The following MACROD2 variants were observed in gnomAD, a reference collection of about 807,000 sequenced individuals.
MACROD2 encodes the protein ADP-ribose glycohydrolase MACROD2.
MACROD2 carries 36 observed loss-of-function variants against 70.4 expected under a neutral mutation model. The observed-to-expected ratio is 0.51, with a 90% confidence interval of 0.39 to 0.68. The LOEUF (loss-of-function observed/expected upper bound fraction) is 0.68. Ranked by LOEUF, MACROD2 falls within the 30% of genes least tolerant of loss-of-function variation. The pLI, the probability that MACROD2 is intolerant of heterozygous loss-of-function variation, is 0.00. For synonymous variants in MACROD2, 172 were observed against 178.8 expected (o/e 0.96, Z 0.30); for missense variants, 496 against 538.4 (o/e 0.92, Z 0.78).
chr20:15,039,009 C>G (rs1038362802), intron 5 of MACROD2, among the ~76,000 whole-genome samples: 1 of 152,084 alleles, frequency 6.6e-6, no homozygotes, highest in Non-Finnish European at 1.5e-5. Context: ...TTTATCTCAC[C>G]CCTTATAGAG....
intron 8 of MACROD2, among the ~76,000 whole-genome samples, chr20:15,819,058 A>T (rs1377748471): frequency 6.6e-6 from 1 of 151,976 alleles, no homozygotes; most frequent in Non-Finnish European, 1.5e-5. Flanking sequence ...GTATATGCCC[A>T]AAGTAGATGA....
At position 14,753,108 on chromosome 20, in the gene MACROD2, A is replaced by G. The variant is rs570524456; in HGVS notation, c.418+68149A>G. Reference sequence around the variant, plus strand: ...CCCTGTCTTTGCCTAGTTAACTCCTATTTATTTTTCTGAACCCACCTCATT... The same window carrying G: ...CCCTGTCTTTGCCTAGTTAACTCCTGTTTATTTTTCTGAACCCACCTCATT... On this transcript the variant is annotated intron_variant, in intron 5 of 17. Transcript: ENST00000684519. Among the ~76,000 whole-genome samples, 26 of 152,030 alleles carry G rather than the reference A, an allele frequency of 1.7e-4. 1 individual carries two copies. Among genetic ancestry groups the G allele is most frequent in the African/African-American group, 6.3e-4 (26 of 41,422 alleles).
At chr20:15,707,662 A>G (rs2050556099) in intron 8 of MACROD2, among the ~76,000 whole-genome samples, 1 of 152,098 alleles carries the variant, frequency 6.6e-6, no homozygotes, top group African/African-American at 2.4e-5. Flanking sequence ...GGGTGCCTGT[A>G]GTCCGAGCTG....
chr20:16,024,846 A>T (rs895391603), intron 15 of MACROD2, among the ~76,000 whole-genome samples: 1 of 152,228 alleles, frequency 6.6e-6, no homozygotes, highest in African/African-American at 2.4e-5. Context: ...ATGTCTATGT[A>T]ATTCTATAAA....
chr20:15,218,049 C>A (rs544383674), intron 5 of MACROD2, among the ~76,000 whole-genome samples: 1 of 152,222 alleles, frequency 6.6e-6, no homozygotes, highest in Admixed American at 6.5e-5. Flanking sequence ...AAAAAGAAAA[C>A]CTGTCTTGAT....
chr20:14,670,971 C>T (rs1007279381), intron 4 of MACROD2, among the ~76,000 whole-genome samples: 2 of 151,856 alleles, frequency 1.3e-5, no homozygotes, highest in African/African-American at 4.8e-5. Context: ...GGAAGTAAGC[C>T]CTCTGTAATA....
At chr20:14,771,938 T>G (rs1292076398) in intron 5 of MACROD2, among the ~76,000 whole-genome samples, 2 of 152,014 alleles carry the variant, frequency 1.3e-5, no homozygotes. Flanking sequence ...ACCTCACACC[T>G]TTTCAGGAAA....
At chr20:14,285,014 A>C (rs1250306922) in intron 3 of MACROD2, among the ~76,000 whole-genome samples, 1 of 152,210 alleles carries the variant, frequency 6.6e-6, no homozygotes, top group Non-Finnish European at 1.5e-5. Context: ...AAACACATTA[A>C]AATAAATCTG....
At chr20:14,257,149 T>C (rs942956036) in intron 3 of MACROD2, among the ~76,000 whole-genome samples, 12 of 152,158 alleles carry the variant, frequency 7.9e-5, no homozygotes, top group Non-Finnish European at 1.8e-4. Context: ...ACCAATAAGG[T>C]ACATTCAGAT....
chr20:14,739,134 A>C (rs1156795380), intron 5 of MACROD2, among the ~76,000 whole-genome samples: 1 of 152,060 alleles, frequency 6.6e-6, no homozygotes, highest in East Asian at 1.9e-4. Flanking sequence ...ATTTGGAGGA[A>C]ATAATTTAGC....
intron 3 of MACROD2, among the ~76,000 whole-genome samples, chr20:14,094,056 TAG>T (rs2148674387): frequency 1.3e-5 from 2 of 152,156 alleles, no homozygotes; most frequent in South Asian, 4.2e-4. Context: ...GGATATGTGT[TAG>T]AGAGATCCCT....
At chr20:14,630,302 G>C (rs1984436273) in intron 4 of MACROD2, among the ~76,000 whole-genome samples, 1 of 152,108 alleles carries the variant, frequency 6.6e-6, no homozygotes, top group Non-Finnish European at 1.5e-5. Context: ...AAGAATAAAA[G>C]AGCCTAAGAG....
At chr20:15,395,955 T>G (rs1017326185) in intron 6 of MACROD2, among the ~76,000 whole-genome samples, 1 of 152,256 alleles carries the variant, frequency 6.6e-6, no homozygotes, top group African/African-American at 2.4e-5. Context: ...TGCAACTTGC[T>G]GACTCTCAGC....
chr20:15,890,166 T>A (rs1022287874), intron 10 of MACROD2, among the ~76,000 whole-genome samples: 2 of 152,174 alleles, frequency 1.3e-5, no homozygotes, highest in African/African-American at 4.8e-5. Flanking sequence ...TACAACTTTT[T>A]CAAAAATAAA....
At chr20:14,622,773 A>G (rs1983901355) in intron 4 of MACROD2, 1 of 152,206 alleles carries the variant, frequency 6.6e-6, no homozygotes, top group African/African-American at 2.4e-5. Flanking sequence ...TCAGTATACC[A>G]CAGTTGTTTA....
chr20:14,232,897 C>A (rs1318968927), intron 3 of MACROD2, among the ~76,000 whole-genome samples: 1 of 152,234 alleles, frequency 6.6e-6, no homozygotes, highest in Admixed American at 6.5e-5. Flanking sequence ...TAAGCTTAAT[C>A]ATTTCTAGCT....
In MACROD2 at chr20:14,982,842, A is replaced by G. The variant is rs557646142; in HGVS notation, c.419-247098A>G. ...GTGGGAGCCCCCACACAGAGTCCCTACTGGAGTACTGCCTAGTGGAGCTGT... is the reference window on the plus strand; with the variant it reads ...GTGGGAGCCCCCACACAGAGTCCCTGCTGGAGTACTGCCTAGTGGAGCTGT... On this transcript the variant is annotated intron_variant, in intron 5 of 17. Transcript: ENST00000684519. Among the ~76,000 whole-genome samples the G allele has an allele frequency of 7.2e-5, 11 of 152,298 alleles. No individual in the cohort carries two copies. In the East Asian group the frequency reaches 1.9e-3, roughly 27 times the overall value.
rs201258796 is a variant in MACROD2, at chr20:14,209,722, C to T, written c.271+123994C>T. Among the ~76,000 whole-genome samples the T allele has an allele frequency of 3.3e-5, 5 of 152,122 alleles. No homozygotes were observed. The East Asian group carries it at 9.6e-4, about 29-fold the overall frequency. ...GGTACTGTAGGGCATCCGAGCCAGACATAAGAGGAATGAGCATGGGGGGTT... is the reference window on the plus strand; with the variant it reads ...GGTACTGTAGGGCATCCGAGCCAGATATAAGAGGAATGAGCATGGGGGGTT... On this transcript the variant is annotated intron_variant, in intron 3 of 17. Transcript: ENST00000684519.
chr20:15,800,242 C>T (rs1047451479), intron 8 of MACROD2, among the ~76,000 whole-genome samples: 18 of 152,070 alleles, frequency 1.2e-4, no homozygotes, highest in African/African-American at 4.3e-4. Context: ...GTTATCTCTT[C>T]ACTTTGTTGA....
Sources: allele counts gnomAD v4.1 joint callset (sites outside exome capture counted in the v4.1 genomes callset), GRCh38; gene constraint gnomAD v4.1.1; transcripts MANE v1.5; gene names NCBI Gene and HGNC (gene_info 2026-07-23, HGNC 2026-07-21).